Variants in ADAMTS17 observed in about 807,000 individuals in gnomAD.
ADAMTS17 encodes the protein ADAM metallopeptidase with thrombospondin type 1 motif 17, also known as A disintegrin and metalloproteinase with thrombospondin motifs 17.
A neutral mutation model predicts 141.5 loss-of-function variants in ADAMTS17; 113 were observed. The observed-to-expected ratio is 0.80, with a 90% CI of 0.69 to 0.93. The LOEUF is 0.93. ADAMTS17 is among the 40% of genes least tolerant of loss of function. The pLI is 0.00. For synonymous variants in ADAMTS17, 768 were observed against 630.6 expected, an observed-to-expected ratio of 1.22 and a Z score of -3.27; for missense variants, 1,659 against 1,517.9, an observed-to-expected ratio of 1.09 and a Z score of -1.54.
At chr15:100,300,832 T>A (rs1352995431) in intron 3 of ADAMTS17, among the ~76,000 whole-genome samples, 1 of 152,260 alleles carries the variant, frequency 6.6e-6, no homozygotes, top group East Asian at 1.9e-4. Context: ...AGCAGTCACA[T>A]AACTTGTATG....
At chr15:100,012,973 G>A (rs1023001456) in intron 18 of ADAMTS17, among the ~76,000 whole-genome samples, 2 of 152,120 alleles carry the variant, frequency 1.3e-5, no homozygotes, top group Non-Finnish European at 2.9e-5. Context: ...GATTGCTTTT[G>A]GCAGTATGGT....
intron 18 of ADAMTS17, among the ~76,000 whole-genome samples, chr15:100,031,668 C>T (rs923098818): frequency 6.6e-5 from 10 of 152,184 alleles, no homozygotes; most frequent in Non-Finnish European, 1.0e-4. Context: ...GACATAATGC[C>T]GCTAACCATA....
chr15:100,153,425 G>C (rs901202963), intron 9 of ADAMTS17, among the ~76,000 whole-genome samples: 4 of 151,896 alleles, frequency 2.6e-5, no homozygotes, highest in Admixed American at 6.6e-5. Flanking sequence ...TGGATCACTT[G>C]AGGTCAGGAG....
chr15:100,163,004 A>ATG (rs1279925238), intron 8 of ADAMTS17, among the ~76,000 whole-genome samples: 1 of 141,304 alleles, frequency 7.1e-6, no homozygotes, highest in African/African-American at 2.6e-5. Context: ...ATATGTATAT[A>ATG]TGTGTATATA....
chr15:100,296,911 G>A (rs188432509), intron 3 of ADAMTS17, among the ~76,000 whole-genome samples: 7 of 152,324 alleles, frequency 4.6e-5, no homozygotes, highest in Admixed American at 3.9e-4. Flanking sequence ...CCACAATGTA[G>A]GTGCCCATCT....
chr15:100,097,227 T>C (rs1055776353), intron 14 of ADAMTS17, among the ~76,000 whole-genome samples: 2 of 152,188 alleles, frequency 1.3e-5, no homozygotes, highest in African/African-American at 4.8e-5. Flanking sequence ...ATACTGAACA[T>C]TGGGTAATTA....
chr15:100,150,123 C>G (rs1192515614), intron 10 of ADAMTS17, among the ~76,000 whole-genome samples: 2 of 152,148 alleles, frequency 1.3e-5, no homozygotes, highest in Non-Finnish European at 2.9e-5. Flanking sequence ...CCTTGGGAGC[C>G]CAGGAATAAA....
intron 3 of ADAMTS17, among the ~76,000 whole-genome samples, chr15:100,324,872 G>T (rs2045851348): frequency 6.6e-6 from 1 of 152,152 alleles, no homozygotes; most frequent in Non-Finnish European, 1.5e-5. Context: ...ACTCACAAAA[G>T]CCCTAAGAGG....
At chr15:100,277,658 G>A (rs73484118) in intron 4 of ADAMTS17, among the ~76,000 whole-genome samples, 2,099 of 152,314 alleles carry the variant, frequency 0.014, 36 homozygotes, top group African/African-American at 0.043. Flanking sequence ...ACCGGCCACC[G>A]GGGAGACGTG....
chr15:100,228,228 C>T (rs2042370477), intron 7 of ADAMTS17, among the ~76,000 whole-genome samples: 1 of 152,192 alleles, frequency 6.6e-6, no homozygotes, highest in Admixed American at 6.5e-5. Flanking sequence ...CTTGATGTTA[C>T]CATCTCCGAA....
At chr15:100,207,949 A>T (rs577099646) in intron 7 of ADAMTS17, among the ~76,000 whole-genome samples, 10 of 152,316 alleles carry the variant, frequency 6.6e-5, no homozygotes, top group Middle Eastern at 6.8e-3. Flanking sequence ...ACAGCCTTGG[A>T]GGGAGGAGTC....
chr15:100,289,521 G>GACACAC lies in ADAMTS17; in HGVS notation c.617-8126_617-8121dup, dbSNP rs1307703150. 2.7e-5 allele frequency among the ~76,000 whole-genome samples: 4 copies of GACACAC among 146,446 alleles called. No homozygotes were observed. The East Asian group carries it at 6.1e-4, about 22-fold the overall frequency. ...ATCATTCTGATGCCAAAACCTTGCA[G>GACACAC]ACACACACATACACACATACACACA... On this transcript the variant is annotated intron_variant, in intron 3 of 21. Coordinates refer to ENST00000268070, the MANE Select transcript of ADAMTS17 (RefSeq NM_139057.4).
intron 13 of ADAMTS17, among the ~76,000 whole-genome samples, chr15:100,111,163 C>A (rs1310729786): frequency 6.6e-6 from 1 of 152,168 alleles, no homozygotes; most frequent in African/African-American, 2.4e-5. Flanking sequence ...ACTGACCCCT[C>A]CCTCACACAA....
chr15:99,973,000 A>C lies in ADAMTS17; in HGVS notation c.*1402T>G, dbSNP rs2060242775. 6.6e-6 allele frequency: 1 copy of C among 152,200 alleles called. No individual in the cohort carries two copies. The highest frequency in any genetic ancestry group is 1.5e-5 in the Non-Finnish European group (1 of 68,040). The allele number at this position is 152,200 out of a possible 1,614,324, so 9.4% of individuals were successfully genotyped here. A position where few individuals can be genotyped will look rare whatever the true frequency, so the allele number is the denominator to read the frequency against. ...GTTATTTACGGTAAAGTCCTAGAAC[A>C]TAAGCACCCATGAAATGCCCACCAA... On this transcript the variant is annotated 3_prime_UTR_variant, in exon 22 of 22. Coordinates refer to ENST00000268070, the MANE Select transcript of ADAMTS17 (RefSeq NM_139057.4).
Position 100,340,926 on chromosome 15 carries a change from G to C in ADAMTS17, c.450+113C>G, listed in dbSNP as rs756032937. 1.2e-4 allele frequency: 180 copies of C among 1,462,736 alleles called. 1 individual carries two copies. Among genetic ancestry groups the C allele is most frequent in the African/African-American group, 1.6e-4 (11 of 70,204 alleles). 90.6% of individuals were successfully genotyped at this position (1,462,736 alleles called of 1,614,324 possible). On this transcript the variant is annotated intron_variant, in intron 2 of 21. Coordinates refer to ENST00000268070, the MANE Select transcript of ADAMTS17 (RefSeq NM_139057.4). ...GTGGAAAGGCAGGGGGTTCCCTCCG[G>C]TTCCCCTGGAGGCTGGACTTCCAGC...
chr15:100,091,078 TC>T (rs2035439960), intron 15 of ADAMTS17, among the ~76,000 whole-genome samples: 4 of 146,548 alleles, frequency 2.7e-5, no homozygotes, highest in Admixed American at 1.4e-4. Context: ...AGGCCCTCTG[TC>T]CACAAACCGG....
intron 15 of ADAMTS17, among the ~76,000 whole-genome samples, chr15:100,058,617 C>T (rs2032847597): frequency 1.3e-5 from 2 of 152,378 alleles, no homozygotes; most frequent in Admixed American, 6.5e-5. Context: ...GAGGTGGCGG[C>T]TGGCCTGGGG....
intron 8 of ADAMTS17, among the ~76,000 whole-genome samples, chr15:100,188,231 C>A (rs987446597): frequency 1.3e-5 from 2 of 152,116 alleles, no homozygotes; most frequent in Non-Finnish European, 2.9e-5. Context: ...CATGCACCAC[C>A]ATGCCCAGCT....
intron 7 of ADAMTS17, among the ~76,000 whole-genome samples, chr15:100,231,565 T>A (rs1428612727): frequency 6.6e-6 from 1 of 152,202 alleles, no homozygotes; most frequent in Non-Finnish European, 1.5e-5. Context: ...TGTAATCAAA[T>A]CCTTTTTCTA....
Sources: allele counts gnomAD v4.1 joint callset (sites outside exome capture counted in the v4.1 genomes callset), GRCh38; gene constraint gnomAD v4.1.1; transcripts MANE v1.5; gene names NCBI Gene and HGNC (gene_info 2026-07-23, HGNC 2026-07-21).